ZNF345: variants seen among roughly 807,000 people sequenced by gnomAD.
ZNF345 encodes the protein zinc finger protein 345, also known as zinc finger protein HZF10.
For missense variants in ZNF345, 527 were observed against 589.9 expected (o/e 0.89, Z 1.10); for synonymous variants, 166 against 187.9 (o/e 0.88, Z 0.95).
chr19:36,856,441 G>A (rs1001224815), intron 2 of ZNF345, among the ~76,000 whole-genome samples: 3 of 151,718 alleles, frequency 2.0e-5, no homozygotes, highest in Non-Finnish European at 2.9e-5. Flanking sequence ...TAAGTAATTC[G>A]TATTATATAT....
chr19:36,884,829 G>C (rs981866853), intron 3 of ZNF345, among the ~76,000 whole-genome samples: 1 of 152,158 alleles, frequency 6.6e-6, no homozygotes, highest in African/African-American at 2.4e-5. Context: ...AGTACCCAAG[G>C]TAAAGGCAAG....
chr19:36,873,482 G>A (rs929848186), intron 2 of ZNF345, among the ~76,000 whole-genome samples: 1 of 152,090 alleles, frequency 6.6e-6, no homozygotes, highest in African/African-American at 2.4e-5. Flanking sequence ...CACTTTTTGT[G>A]TGTGTGTGGC....
chr19:36,874,410 C>T (rs1026285238), intron 2 of ZNF345, among the ~76,000 whole-genome samples: 1 of 151,002 alleles, frequency 6.6e-6, no homozygotes, highest in African/African-American at 2.4e-5. Context: ...AGGAGGACCA[C>T]TTGAACCTGG....
In ZNF345 at chr19:36,877,198, G is replaced by A. The variant is rs749706237; in HGVS notation, c.368G>A (p.Cys123Tyr). 4 of 1,614,110 alleles carry A rather than the reference G, an allele frequency of 2.5e-6. No individual in the cohort carries two copies. The Admixed American group carries it at 6.7e-5, about 27-fold the overall frequency. The change falls in exon 3 of 3, where the codon TGT (cysteine) becomes TAT (tyrosine). Residue 123 changes from cysteine to tyrosine, a missense_variant. Coordinates refer to ENST00000420450, the MANE Select transcript of ZNF345 (RefSeq NM_001242472.2). ...GAGAAGCCTTTTGAATGTAAAGAAT[G>A]TGGGAAGGCCTTTGGTAGTGGCTCA... is the stretch of plus-strand genomic sequence containing the variant. ...TGEKPFECKECGKAFGSGSNL... is the reference protein window; with the variant it reads ...TGEKPFECKEYGKAFGSGSNL...
chr19:36,880,742 C>T (rs1225787620), downstream of ZNF345, among the ~76,000 whole-genome samples: 2 of 152,148 alleles, frequency 1.3e-5, no homozygotes, highest in Non-Finnish European at 2.9e-5. Context: ...TGTGCCACTG[C>T]ACTCCAGCCT....
rs183034693 is a variant in ZNF345 at position 36,887,563 on chromosome 19, T to C, written c.47-5255T>C. On this transcript the variant is annotated intron_variant, in intron 3 of 3. Coordinates refer to the ZNF345 transcript ENST00000526123. The stretch of plus-strand genomic sequence containing the variant: ...AGAATGAAGCTGAGTATTCAAATTA[T>C]TTATAAATAGTCATTCCTGTGTATC... Among the ~76,000 whole-genome samples, 268 of 152,312 alleles carry C rather than the reference T, an allele frequency of 1.8e-3. 6 individuals are homozygous for C. Among genetic ancestry groups the C allele is most frequent in the Non-Finnish European group, 2.9e-4 (20 of 68,028 alleles).
intron 2 of ZNF345, among the ~76,000 whole-genome samples, chr19:36,869,209 A>G (rs946307658): frequency 1.3e-5 from 2 of 151,530 alleles, no homozygotes; most frequent in African/African-American, 2.4e-5. Context: ...TTCATTTAGT[A>G]ATTTACTACA....
chr19:36,870,145 T>C (rs529832358), intron 2 of ZNF345, among the ~76,000 whole-genome samples: 8 of 152,360 alleles, frequency 5.3e-5, no homozygotes, highest in African/African-American at 1.4e-4. Flanking sequence ...CTTTGACAGT[T>C]AAATGTTTTG....
At chr19:36,884,212 C>A (rs757308837), downstream of ZNF345, among the ~76,000 whole-genome samples, 12 of 152,018 alleles carry the variant, frequency 7.9e-5, no homozygotes, top group Non-Finnish European at 1.3e-4. Flanking sequence ...ATTACAGGCA[C>A]CCACCACCAT....
intron 2 of ZNF345, among the ~76,000 whole-genome samples, chr19:36,871,337 A>G (rs1041940951): frequency 1.3e-4 from 20 of 152,236 alleles, no homozygotes; most frequent in Middle Eastern, 3.4e-3. Context: ...GGAGGACACA[A>G]ACATTCAGAC....
At chr19:36,859,188 T>C (rs2072491138) in intron 2 of ZNF345, among the ~76,000 whole-genome samples, 1 of 151,820 alleles carries the variant, frequency 6.6e-6, no homozygotes, top group Non-Finnish European at 1.5e-5. Context: ...TGACAGTTGC[T>C]CAGGCTGGAG....
At position 36,877,339 on chromosome 19, in the gene ZNF345, G is replaced by A. The variant is rs973343068; in HGVS notation, c.509G>A (p.Gly170Asp). The change falls in exon 3 of 3, where the codon GGT becomes GAT. Residue 170 changes from glycine (G) to aspartate (D), a missense_variant. Gly to Asp is a moderately conservative substitution (Grantham distance 94, BLOSUM62 -1). Transcript: ENST00000420450. ...ATTCGACATCAGATCATTCACAGTG[G>A]TGAGAAGCCTTATGAGTGTAAGGAA... is the stretch of plus-strand genomic sequence containing the variant. ...GLIRHQIIHS[G>D]EKPYECKECG... The A allele has an allele frequency of 6.2e-7, 1 of 1,613,834 alleles. No individual in the cohort carries two copies. Among genetic ancestry groups the A allele is most frequent in the African/African-American group, 1.3e-5 (1 of 74,842 alleles).
chr19:36,861,365 C>T (rs1417907530), intron 2 of ZNF345, among the ~76,000 whole-genome samples: 1 of 152,198 alleles, frequency 6.6e-6, no homozygotes, highest in Non-Finnish European at 1.5e-5. Context: ...CTTGTCACAA[C>T]CTGTTCCATA....
intron 2 of ZNF345, among the ~76,000 whole-genome samples, chr19:36,855,031 T>A (rs1437658009): frequency 1.3e-5 from 2 of 151,310 alleles, no homozygotes; most frequent in Non-Finnish European, 2.9e-5. Context: ...TTTTGTATTT[T>A]TAGTAGAGAC....
At chr19:36,872,057 A>G (rs558388617) in intron 2 of ZNF345, among the ~76,000 whole-genome samples, 50 of 152,242 alleles carry the variant, frequency 3.3e-4, no homozygotes, top group Non-Finnish European at 6.3e-4. Flanking sequence ...ATGAGTCACC[A>G]TGCCCGGCCC....
Position 36,859,281 on chromosome 19 carries a change from G to A in ZNF345, c.-47+7377G>A, listed in dbSNP as rs1305855805. ...AGTGATTCTCCTGCCTCAGCCTCTT[G>A]AGTAGCTGAGATTACAGGCATGCAC... On this transcript the variant is annotated intron_variant, in intron 2 of 2. Coordinates refer to ENST00000420450, the MANE Select transcript of ZNF345 (RefSeq NM_001242472.2). Among the ~76,000 whole-genome samples the A allele has an allele frequency of 2.0e-5, 3 of 151,538 alleles. 1 individual carries two copies. Among genetic ancestry groups the A allele is most frequent in the Admixed American group, 2.0e-4 (3 of 15,214 alleles).
intron 2 of ZNF345, among the ~76,000 whole-genome samples, chr19:36,857,319 T>C (rs1408414665): frequency 6.6e-6 from 1 of 152,150 alleles, no homozygotes; most frequent in Non-Finnish European, 1.5e-5. Flanking sequence ...TTTATTTATT[T>C]ATTTTGAGAC....
Position 36,878,095 on chromosome 19 carries a change from G to A in ZNF345, c.1265G>A (p.Gly422Asp), listed in dbSNP as rs924355020. Residue 422 changes from glycine (G) to aspartate (D), a missense_variant, in exon 3 of 3, where the codon GGT becomes GAT. Transcript: ENST00000420450. The part of the protein sequence containing the change: ...ALNRHQRIHT[G>D]EKPYECKECG... ...AATCGGCACCAGAGAATACACACTG[G>A]TGAGAAACCCTATGAATGTAAGGAG... The A allele has an allele frequency of 2.5e-6, 4 of 1,614,076 alleles. No homozygotes were observed. The highest frequency in any genetic ancestry group is 3.4e-6 in the Non-Finnish European group (4 of 1,179,978).
At chr19:36,884,616 G>C (rs900633580) in intron 3 of ZNF345, among the ~76,000 whole-genome samples, 1 of 152,102 alleles carries the variant, frequency 6.6e-6, no homozygotes, top group East Asian at 1.9e-4. Flanking sequence ...GCTGACCTTT[G>C]TCTTTCTGCC....
Sources: allele counts gnomAD v4.1 joint callset (sites outside exome capture counted in the v4.1 genomes callset), GRCh38; gene constraint gnomAD v4.1.1; transcripts MANE v1.5; gene names NCBI Gene and HGNC (gene_info 2026-07-23, HGNC 2026-07-21).